FLI1: variants seen among roughly 807,000 people sequenced by gnomAD.
FLI1 encodes Friend leukemia integration 1 transcription factor.
FLI1 carries 13 observed loss-of-function variants against 53.1 expected under a neutral mutation model. That is an observed-to-expected ratio of 0.24 (90% CI 0.16 to 0.39). FLI1 has a LOEUF of 0.39. Among genes scored for constraint, FLI1 ranks in the 10% least tolerant of loss-of-function variants. The pLI is 1.00. For synonymous variants in FLI1, 244 were observed against 236.7 expected (o/e 1.03, Z -0.28); for missense variants, 424 against 600.5 (o/e 0.71, Z 3.07).
At chr11:128,689,578 G>A (rs1937657520), upstream of FLI1, among the ~76,000 whole-genome samples, 2 of 152,172 alleles carry the variant, frequency 1.3e-5, no homozygotes, top group African/African-American at 4.8e-5. Context: ...GGCGGGTCTC[G>A]AAGCTGAGTT....
At position 128,745,484 on chromosome 11, in the gene FLI1, G is replaced by A. The variant is rs141834455; in HGVS notation, c.19-12631G>A. Among the ~76,000 whole-genome samples, 679 of 152,266 alleles carry A rather than the reference G, an allele frequency of 4.5e-3. 14 individuals carry two copies. Among genetic ancestry groups the A allele is most frequent in the African/African-American group, 0.016 (648 of 41,548 alleles). ...AGAACTAAACACCTTGGACAGAGCAGTTCACCCAGATGTGCTAGTTGGAAA... is the reference window on the plus strand; with the variant it reads ...AGAACTAAACACCTTGGACAGAGCAATTCACCCAGATGTGCTAGTTGGAAA... On this transcript the variant is annotated intron_variant, in intron 1 of 8. Transcript: ENST00000527786.
intron 1 of FLI1, among the ~76,000 whole-genome samples, chr11:128,713,451 G>C (rs1381541502): frequency 6.6e-6 from 1 of 152,170 alleles, no homozygotes; most frequent in East Asian, 1.9e-4. Context: ...AAGTGAGTGA[G>C]TTACTTGCTC....
At chr11:128,774,122 T>C (rs1352547984) in intron 4 of FLI1, among the ~76,000 whole-genome samples, 1 of 152,122 alleles carries the variant, frequency 6.6e-6, no homozygotes, top group Admixed American at 6.5e-5. Flanking sequence ...ACTCCCCATC[T>C]TTGGAATCCA....
At chr11:128,787,623 A>G (rs1942129602) in intron 5 of FLI1, among the ~76,000 whole-genome samples, 1 of 152,192 alleles carries the variant, frequency 6.6e-6, no homozygotes, top group South Asian at 2.1e-4. Flanking sequence ...CAGTTTTCTC[A>G]TGTATAAATG....
chr11:128,784,859 G>C (rs1052309347), intron 5 of FLI1, among the ~76,000 whole-genome samples: 2 of 150,570 alleles, frequency 1.3e-5, no homozygotes, highest in Admixed American at 1.3e-4. Context: ...CACCAGAGCT[G>C]TGTGTGTGTG....
intron 4 of FLI1, among the ~76,000 whole-genome samples, chr11:128,779,355 G>T (rs1290800622): frequency 6.6e-6 from 1 of 152,116 alleles, no homozygotes. Flanking sequence ...CCTACTTCTG[G>T]GATTTTTTTG....
intron 1 of FLI1, among the ~76,000 whole-genome samples, chr11:128,730,045 C>G (rs1008403578): frequency 2.6e-5 from 4 of 152,294 alleles, no homozygotes; most frequent in Middle Eastern, 3.4e-3. Flanking sequence ...GTTGCCAGAG[C>G]TAGCCAACTG....
chr11:128,783,062 G>A (rs778856398), intron 5 of FLI1, among the ~76,000 whole-genome samples: 1 of 152,220 alleles, frequency 6.6e-6, no homozygotes, highest in Non-Finnish European at 1.5e-5. Context: ...AGAATAATAA[G>A]AGTGTGGCAG....
chr11:128,725,763 CA>C (rs1939449824), intron 1 of FLI1, among the ~76,000 whole-genome samples: 1 of 151,858 alleles, frequency 6.6e-6, no homozygotes. Flanking sequence ...AAAAAAAACC[CA>C]AACCACAAAA....
At chr11:128,768,359 C>G (rs1461323825) in intron 3 of FLI1, 87 bp downstream of exon 3, 13 of 1,524,994 alleles carry the variant, frequency 8.5e-6, no homozygotes, top group Non-Finnish European at 1.2e-5. Context: ...ATCTGATACT[C>G]TATTCCCTGT....
chr11:128,759,422 C>T (rs1019312380), intron 2 of FLI1, among the ~76,000 whole-genome samples: 5 of 152,186 alleles, frequency 3.3e-5, no homozygotes, highest in Admixed American at 6.5e-5. Context: ...TGCGCACAGA[C>T]GGTAGGATGG....
At position 128,699,563 on chromosome 11, in the gene FLI1, C is replaced by T. The variant is rs1938233625; in HGVS notation, c.18+5287C>T. ...AGTTATACAGGTGTCTTTTCCTCTG[C>T]AGAAGACTACACCCTGTTTCAATTT... On this transcript the variant is annotated intron_variant, in intron 1 of 8. Transcript: ENST00000527786. 3.9e-5 allele frequency among the ~76,000 whole-genome samples: 6 copies of T among 152,190 alleles called. No homozygotes were observed. The South Asian group carries it at 1.0e-3, about 26-fold the overall frequency.
At chr11:128,750,067 C>T (rs1032421353) in intron 1 of FLI1, among the ~76,000 whole-genome samples, 22 of 152,194 alleles carry the variant, frequency 1.4e-4, no homozygotes, top group African/African-American at 5.1e-4. Context: ...GAAGGGACTT[C>T]GTGTCATTAT....
At chr11:128,779,034 T>C (rs56023023) in intron 4 of FLI1, among the ~76,000 whole-genome samples, 6,029 of 152,294 alleles carry the variant, frequency 0.04, 374 homozygotes, top group African/African-American at 0.13. Flanking sequence ...GAACAGTCTT[T>C]AGGGCAAAAT....
chr11:128,807,068 A>G (rs1024923070), intron 6 of FLI1, 112 bp from the exon 7 acceptor site: 5 of 507,240 alleles, frequency 9.9e-6, no homozygotes, highest in Admixed American at 4.1e-5. Flanking sequence ...TGAATAAATG[A>G]GTCAGTGGAG....
At position 128,809,215 on chromosome 11, in the gene FLI1, C is replaced by T. The variant is rs757543306; in HGVS notation, c.829+11C>T. 8 of 1,612,996 alleles carry T rather than the reference C, an allele frequency of 5.0e-6. No individual in the cohort carries two copies. In the South Asian group the frequency reaches 8.8e-5, roughly 18 times the overall value. ...GCCTAGCCAACCCTGGTGAGTTTACCTTGGCCTGCAAGCCTTTTTTGCCAG... is the reference window on the plus strand; with the variant it reads ...GCCTAGCCAACCCTGGTGAGTTTACTTTGGCCTGCAAGCCTTTTTTGCCAG... On this transcript the variant is annotated intron_variant, in intron 8 of 8. Coordinates refer to ENST00000527786, the MANE Select transcript of FLI1 (RefSeq NM_002017.5).
At chr11:128,701,965 G>T (rs957456299) in intron 1 of FLI1, among the ~76,000 whole-genome samples, 2 of 152,228 alleles carry the variant, frequency 1.3e-5, no homozygotes, top group African/African-American at 4.8e-5. Flanking sequence ...GAATCGGAGA[G>T]TGAGCAATTC....
chr11:128,753,531 T>C (rs1295372958), intron 1 of FLI1, among the ~76,000 whole-genome samples: 1 of 152,218 alleles, frequency 6.6e-6, no homozygotes, highest in Non-Finnish European at 1.5e-5. Flanking sequence ...TAAGTACTTA[T>C]TGATGATTTA....
rs1277265128 is a variant in FLI1 at position 128,812,950 on chromosome 11, G to A, written c.*1962G>A. 1.2e-5 allele frequency: 2 copies of A among 169,152 alleles called. 1 individual carries two copies. Among genetic ancestry groups the A allele is most frequent in the East Asian group, 2.0e-4 (2 of 10,118 alleles). 10.5% of individuals were successfully genotyped at this position (169,152 alleles called of 1,614,324 possible). ...TTTTACAATGAAAAGAGTGAGACCT[G>A]GGAAGTCCTTGATTTGCAAGGAATT... On this transcript the variant is annotated 3_prime_UTR_variant, in exon 9 of 9. Transcript: ENST00000527786.
Sources: gnomAD v4.1 joint callset for allele counts (sites outside exome capture counted in the v4.1 genomes callset) on GRCh38, gnomAD v4.1.1 for gene constraint, MANE v1.5 for transcripts, NCBI Gene and HGNC (gene_info 2026-07-23, HGNC 2026-07-21) for gene names.